FREM2: variants seen among roughly 807,000 people sequenced by gnomAD.
The protein encoded by FREM2 is FRAS1 related extracellular matrix 2, also known as FRAS1-related extracellular matrix protein 2.
Under a neutral mutation model 219.9 loss-of-function variants are expected in FREM2, and 119 were observed. The observed-to-expected ratio is 0.54, with a 90% CI of 0.47 to 0.63. The LOEUF (loss-of-function observed/expected upper bound fraction) is 0.63. Among genes scored for constraint, FREM2 ranks in the 30% least tolerant of loss-of-function variants. FREM2 has a pLI of 0.00. For missense variants in FREM2, 4,030 were observed against 3,993.6 expected, an observed-to-expected ratio of 1.01 and a Z score of -0.25; for synonymous variants, 1,562 against 1,522.8, an observed-to-expected ratio of 1.03 and a Z score of -0.60.
chr13:38,705,328 G>GTGC, intron 2 of FREM2, among the ~76,000 whole-genome samples: 1 of 152,312 alleles, frequency 6.6e-6, no homozygotes, highest in East Asian at 1.9e-4. Flanking sequence ...GCAGAGAATG[G>GTGC]TGCTGCCATT....
intron 22 of FREM2, 36 bp from the exon 23 acceptor site, chr13:38,878,795 A>G: frequency 6.2e-7 from 1 of 1,608,354 alleles, no homozygotes. Context: ...CCGTGGCATT[A>G]TCTACAGCAA....
At chr13:38,739,940 G>T (rs1180103130) in intron 2 of FREM2, among the ~76,000 whole-genome samples, 1 of 152,152 alleles carries the variant, frequency 6.6e-6, no homozygotes, top group Non-Finnish European at 1.5e-5. Flanking sequence ...AGGCATGAGA[G>T]CCTTCAGAGA....
chr13:38,804,233 C>A (rs1276171663), intron 6 of FREM2, among the ~76,000 whole-genome samples: 2 of 151,706 alleles, frequency 1.3e-5, no homozygotes, highest in African/African-American at 4.9e-5. Flanking sequence ...TCTAACAATT[C>A]GCTGAAAGTC....
At chr13:38,715,884 CTTAAA>C (rs1435294376) in intron 2 of FREM2, among the ~76,000 whole-genome samples, 4 of 151,834 alleles carry the variant, frequency 2.6e-5, no homozygotes, top group Non-Finnish European at 5.9e-5. Flanking sequence ...TTAGTCTAAG[CTTAAA>C]TTAAATAATA....
rs182521183 is a variant in FREM2, at chr13:38,729,427, A to G, written c.5263+31640A>G. ...ATAAATTTGGAATACTCTCAGGGGT[A>G]TACTAGCATATGATCTTCATTATTG... On this transcript the variant is annotated intron_variant, in intron 2 of 23. Coordinates refer to ENST00000280481, the MANE Select transcript of FREM2 (RefSeq NM_207361.6). 2.0e-5 allele frequency among the ~76,000 whole-genome samples: 3 copies of G among 152,340 alleles called. No individual in the cohort carries two copies. The East Asian group carries it at 5.8e-4, about 29-fold the overall frequency.
chr13:38,706,340 C>T (rs965820918), intron 2 of FREM2, among the ~76,000 whole-genome samples: 1 of 152,240 alleles, frequency 6.6e-6, no homozygotes, highest in East Asian at 1.9e-4. Context: ...ATTGGAATCG[C>T]CTAAATATGC....
In FREM2 at chr13:38,692,328, A is replaced by C. The variant is rs374748723; in HGVS notation, c.4984A>C (p.Lys1662Gln). 15 of 1,606,370 alleles carry C rather than the reference A, an allele frequency of 9.3e-6. No homozygotes were observed. The highest frequency in any genetic ancestry group is 1.0e-5 in the Non-Finnish European group (12 of 1,175,994). Residue 1662 changes from lysine to glutamine, a missense_variant, in exon 1 of 24, where the codon AAG (lysine) becomes CAG (glutamine). Coordinates refer to ENST00000280481, the MANE Select transcript of FREM2 (RefSeq NM_207361.6). Reference protein sequence around the residue: ...DNSVPQIAVNKGASTLRTLAT... With the variant: ...DNSVPQIAVNQGASTLRTLAT... ...CAGTGTCCCCCAAATCGCAGTGAAT[A>C]AGGGGGCCTCTACACTTCGCACTCT...
intron 1 of FREM2, among the ~76,000 whole-genome samples, chr13:38,696,438 A>G (rs1353370988): frequency 2.0e-5 from 3 of 152,192 alleles, no homozygotes; most frequent in African/African-American, 7.2e-5. Flanking sequence ...TGAATTCCAT[A>G]GCATGAACTT....
chr13:38,804,472 A>C (rs771271474), intron 6 of FREM2, among the ~76,000 whole-genome samples: 2 of 152,114 alleles, frequency 1.3e-5, no homozygotes, highest in African/African-American at 4.8e-5. Context: ...TTTGCTCTGC[A>C]CATACTAAAT....
At chr13:38,711,612 TTTTTAA>T in intron 2 of FREM2, among the ~76,000 whole-genome samples, 1 of 152,200 alleles carries the variant, frequency 6.6e-6, no homozygotes, top group South Asian at 2.1e-4. Context: ...AATGGATTGT[TTTTTAA>T]ATAGAAGATT....
intron 2 of FREM2, among the ~76,000 whole-genome samples, chr13:38,762,269 G>T (rs1338538382): frequency 1.3e-5 from 2 of 152,106 alleles, no homozygotes; most frequent in African/African-American, 4.8e-5. Flanking sequence ...GATGTGGGTG[G>T]GCCTTGGACT....
Position 38,689,550 on chromosome 13 carries a change from C to A in FREM2, c.2206C>A (p.Arg736=), listed in dbSNP as rs939534674. ...LRYTDLDTDD[R]ELRYTVTQPP... ...CTACACTGACCTGGACACAGATGAC[C>A]GAGAACTACGTTACACAGTGACTCA... The change falls in exon 1 of 24, where the codon CGA becomes AGA. Residue 736 remains arginine (R), a synonymous_variant. Coordinates refer to ENST00000280481, the MANE Select transcript of FREM2 (RefSeq NM_207361.6). 8.7e-6 allele frequency: 14 copies of A among 1,613,536 alleles called. No individual in the cohort carries two copies. Among genetic ancestry groups the A allele is most frequent in the Non-Finnish European group, 1.1e-5 (13 of 1,179,732 alleles).
rs1490080533 is a variant in FREM2, at chr13:38,880,986, C to T, written c.*199C>T. ...CAAAGGACAAATTAAGGCATCTTTC[C>T]TCTTGCCCCAAAGGCAGCAACAACG... is the stretch of plus-strand genomic sequence containing the variant. On this transcript the variant is annotated 3_prime_UTR_variant, in exon 24 of 24. Coordinates refer to ENST00000280481, the MANE Select transcript of FREM2 (RefSeq NM_207361.6). 1 of 683,952 alleles carries T rather than the reference C, an allele frequency of 1.5e-6. No individual in the cohort carries two copies. Among genetic ancestry groups the T allele is most frequent in the Non-Finnish European group, 2.5e-6 (1 of 396,328 alleles). The allele number at this position is 683,952 out of a possible 1,614,324, so 42.4% of individuals were successfully genotyped here. A position where few individuals can be genotyped will look rare whatever the true frequency, so the allele number is the denominator to read the frequency against.
At chr13:38,738,946 T>C (rs1339848014) in intron 2 of FREM2, among the ~76,000 whole-genome samples, 1 of 152,208 alleles carries the variant, frequency 6.6e-6, no homozygotes, top group Non-Finnish European at 1.5e-5. Context: ...ACTAGCTGTA[T>C]TGCACTCGGC....
intron 2 of FREM2, among the ~76,000 whole-genome samples, chr13:38,706,929 C>T: frequency 6.6e-6 from 1 of 152,114 alleles, no homozygotes; most frequent in East Asian, 1.9e-4. Flanking sequence ...ATGAATCACA[C>T]ACATGAATAA....
intron 2 of FREM2, among the ~76,000 whole-genome samples, chr13:38,706,902 GAC>G: frequency 6.6e-6 from 1 of 152,128 alleles, no homozygotes; most frequent in East Asian, 1.9e-4. Context: ...TTAACTTTGT[GAC>G]ACAGTGATGA....
Position 38,691,538 on chromosome 13 carries a change from G to T in FREM2, c.4194G>T (p.Val1398=). 6.2e-7 allele frequency: 1 copy of T among 1,614,094 alleles called. No homozygotes were observed. The highest frequency in any genetic ancestry group is 1.1e-5 in the South Asian group (1 of 91,042). Residue 1398 remains valine, a synonymous_variant, in exon 1 of 24, where the codon GTG becomes GTT. Coordinates refer to ENST00000280481, the MANE Select transcript of FREM2 (RefSeq NM_207361.6). ...EGIRDLIKFD[V]TDGINPLIDR... The stretch of plus-strand genomic sequence containing the variant: ...TTCGGGACCTAATTAAATTTGATGT[G>T]ACTGATGGAATAAATCCCCTCATAG...
At chr13:38,758,865 C>A (rs1873120514) in intron 2 of FREM2, among the ~76,000 whole-genome samples, 1 of 152,188 alleles carries the variant, frequency 6.6e-6, no homozygotes, top group Admixed American at 6.5e-5. Context: ...TCTTAAAAAT[C>A]TGCTTAAAAA....
At chr13:38,797,044 T>TAG (rs1163282143) in intron 6 of FREM2, among the ~76,000 whole-genome samples, 5 of 151,984 alleles carry the variant, frequency 3.3e-5, no homozygotes, top group African/African-American at 1.2e-4. Context: ...CCTGGCTATT[T>TAG]TCTTTAAATT....
Sources: allele counts gnomAD v4.1 joint callset (sites outside exome capture counted in the v4.1 genomes callset), GRCh38; gene constraint gnomAD v4.1.1; transcripts MANE v1.5; gene names NCBI Gene and HGNC (gene_info 2026-07-23, HGNC 2026-07-21).